PRKN: variants seen among roughly 807,000 people sequenced by gnomAD.
The protein encoded by PRKN is E3 ubiquitin-protein ligase parkin.
PRKN carries 56 observed loss-of-function variants against 59.5 expected under a neutral mutation model. That is an observed-to-expected ratio of 0.94 (90% confidence interval 0.76 to 1.18). The LOEUF is 1.18. Among genes scored for constraint, PRKN ranks in the 50% most tolerant of loss-of-function variants. The pLI is 0.00. For synonymous variants in PRKN, 250 were observed against 222.1 expected (o/e 1.13, Z -1.12); for missense variants, 657 against 596.4 (o/e 1.10, Z -1.06).
chr6:162,714,220 C>A (rs1778642088), intron 1 of PRKN, among the ~76,000 whole-genome samples: 1 of 152,124 alleles, frequency 6.6e-6, no homozygotes, highest in African/African-American at 2.4e-5. Flanking sequence ...CTCAAAACTA[C>A]CCCTGATTTA....
rs958312931 is a variant in PRKN, at chr6:161,367,457, A to C, written c.1168-7252T>G. Among the ~76,000 whole-genome samples, 8 of 149,922 alleles carry C rather than the reference A, an allele frequency of 5.3e-5. No individual in the cohort carries two copies. The East Asian group carries it at 9.8e-4, about 18-fold the overall frequency. ...GGGGTTACGGTGTAGAAAACTAATA[A>C]GATGTGTCTTTTCTTTTTTTTTTTT... On this transcript the variant is annotated intron_variant, in intron 10 of 11. Transcript: ENST00000366898.
chr6:162,203,582 A>G (rs1210402375), intron 3 of PRKN, among the ~76,000 whole-genome samples: 1 of 152,162 alleles, frequency 6.6e-6, no homozygotes, highest in Non-Finnish European at 1.5e-5. Flanking sequence ...AACAAATAAC[A>G]CCCCGACAAT....
chr6:161,368,701 A>C (rs1217360588), intron 10 of PRKN, among the ~76,000 whole-genome samples: 4 of 146,040 alleles, frequency 2.7e-5, no homozygotes, highest in African/African-American at 1.0e-4. Flanking sequence ...CCAGCACTGC[A>C]ACTCCACTCC....
At chr6:161,916,526 T>C (rs1778564829) in intron 6 of PRKN, among the ~76,000 whole-genome samples, 1 of 152,168 alleles carries the variant, frequency 6.6e-6, no homozygotes, top group South Asian at 2.1e-4. Flanking sequence ...AGAATCAGGA[T>C]TTAGGATGAA....
rs1222713434 is a variant in PRKN, at chr6:161,874,558, A to G, written c.735-88650T>C. On this transcript the variant is annotated intron_variant, in intron 6 of 11. Transcript: ENST00000366898. ...ATATATATTATGTAAAATATATATT[A>G]TATATAAAATATATATTATGTAAAA... Among the ~76,000 whole-genome samples, 129 of 109,194 alleles carry G rather than the reference A, an allele frequency of 1.2e-3. 4 individuals carry two copies. The highest frequency in any genetic ancestry group is 4.6e-3 in the African/African-American group (116 of 25,116). The allele number at this position is 109,194 out of a possible 152,430, so 71.6% of individuals were successfully genotyped here.
In PRKN at chr6:161,551,089, A is replaced by G. The variant is rs540991984; in HGVS notation, c.934-2086T>C. 6.6e-6 allele frequency among the ~76,000 whole-genome samples: 1 copy of G among 152,328 alleles called. No individual in the cohort carries two copies. The highest frequency in any genetic ancestry group is 2.4e-5 in the African/African-American group (1 of 41,580). On this transcript the variant is annotated intron_variant, in intron 8 of 11. Transcript: ENST00000366898. This position sits in a 1 kb window ranked among gnomAD's most constrained non-coding sequence, Gnocchi z 5.2. Reference sequence around the variant, plus strand: ...ACTAGAATCTCTGAATTTATGGGGTAAGGTTCTCTGGACAGTGTCATAAGC... The same window carrying G: ...ACTAGAATCTCTGAATTTATGGGGTGAGGTTCTCTGGACAGTGTCATAAGC...
chr6:162,509,763 CTGTT>C (rs759823857), intron 1 of PRKN, among the ~76,000 whole-genome samples: 4 of 152,106 alleles, frequency 2.6e-5, no homozygotes, highest in Admixed American at 1.3e-4. Context: ...TTACATCGTT[CTGTT>C]TATTTATTTT....
intron 6 of PRKN, among the ~76,000 whole-genome samples, chr6:161,809,632 C>A (rs1791480099): frequency 6.6e-6 from 1 of 152,162 alleles, no homozygotes. Context: ...ATTCACTCAT[C>A]AATTTTTGAA....
chr6:161,937,214 A>G (rs1450168989), intron 6 of PRKN, among the ~76,000 whole-genome samples: 1 of 152,250 alleles, frequency 6.6e-6, no homozygotes, highest in East Asian at 1.9e-4. Context: ...GGCTGCTATC[A>G]TCACTTACAA....
At position 161,576,890 on chromosome 6, in the gene PRKN, A is replaced by G. The variant is rs1351366297; in HGVS notation, c.872-7474T>C. ...AAATCTCAAAATCATAAAGTTGAGAAAAAAGTTGCAATCGTTTATGCACAA... is the reference window on the plus strand; with the variant it reads ...AAATCTCAAAATCATAAAGTTGAGAGAAAAGTTGCAATCGTTTATGCACAA... On this transcript the variant is annotated intron_variant, in intron 7 of 11. Transcript: ENST00000366898. This position sits in a 1 kb window ranked among gnomAD's most constrained non-coding sequence, Gnocchi z 4.6. Among the ~76,000 whole-genome samples the G allele has an allele frequency of 1.3e-5, 2 of 152,276 alleles. No homozygotes were observed. The highest frequency in any genetic ancestry group is 4.8e-5 in the African/African-American group (2 of 41,476).
At chr6:162,353,353 C>G (rs1784701789) in intron 2 of PRKN, among the ~76,000 whole-genome samples, 2 of 150,294 alleles carry the variant, frequency 1.3e-5, no homozygotes, top group Admixed American at 1.3e-4. Flanking sequence ...ATTACTGGAA[C>G]TGCTAAAAAA....
At chr6:162,386,925 A>C (rs1479081399) in intron 2 of PRKN, among the ~76,000 whole-genome samples, 1 of 152,224 alleles carries the variant, frequency 6.6e-6, no homozygotes, top group Non-Finnish European at 1.5e-5. Flanking sequence ...GTAACATTGC[A>C]TTCAATTATC....
chr6:161,706,119 A>G (rs952509406), intron 7 of PRKN, among the ~76,000 whole-genome samples: 1 of 151,332 alleles, frequency 6.6e-6, no homozygotes, highest in African/African-American at 2.4e-5. Flanking sequence ...CACATCCTCA[A>G]TTCTACCTAA....
intron 5 of PRKN, among the ~76,000 whole-genome samples, chr6:162,009,945 TAA>T (rs960827449): frequency 2.6e-5 from 4 of 151,224 alleles, no homozygotes; most frequent in Non-Finnish European, 5.9e-5. Flanking sequence ...CAAAAAAAAA[TAA>T]AGTCTTCTGG....
chr6:161,977,841 G>A (rs1035812977), intron 5 of PRKN, among the ~76,000 whole-genome samples: 1 of 151,852 alleles, frequency 6.6e-6, no homozygotes, highest in Non-Finnish European at 1.5e-5. Context: ...GAGCCACCAC[G>A]CCCGGCCCTA....
chr6:162,024,578 G>C (rs1053366158), intron 5 of PRKN, among the ~76,000 whole-genome samples: 27 of 152,274 alleles, frequency 1.8e-4, no homozygotes, highest in Middle Eastern at 3.4e-3. Context: ...TCCTTAAAGA[G>C]ATCTTTCATC....
chr6:162,365,639 G>A (rs772192462), intron 2 of PRKN, among the ~76,000 whole-genome samples: 28 of 152,098 alleles, frequency 1.8e-4, no homozygotes, highest in African/African-American at 2.4e-4. Context: ...AGGTATTGGC[G>A]TGGTGGTTCC....
At position 161,446,272 on chromosome 6, in the gene PRKN, G is replaced by C. The variant is rs1255415593; in HGVS notation, c.1084-59395C>G. 1.3e-5 allele frequency among the ~76,000 whole-genome samples: 2 copies of C among 152,212 alleles called. No homozygotes were observed. Among genetic ancestry groups the C allele is most frequent in the African/African-American group, 4.8e-5 (2 of 41,460 alleles). ...TTTCTCTGATTTCTCCCTTTGGGAA[G>C]GGAGGCTTGGAGGCTGCCTGGGGCT... On this transcript the variant is annotated intron_variant, in intron 9 of 11. Transcript: ENST00000366898. The surrounding 1 kb of genome is among the most constrained non-coding windows in gnomAD (Gnocchi z 6.2).
intron 4 of PRKN, among the ~76,000 whole-genome samples, chr6:162,073,280 A>T (rs908478162): frequency 1.1e-4 from 16 of 152,186 alleles, no homozygotes; most frequent in African/African-American, 3.9e-4. Context: ...CTTAAAACAC[A>T]ATGCTGCAGC....
Sources: gnomAD v4.1 joint callset for allele counts (sites outside exome capture counted in the v4.1 genomes callset) on GRCh38, gnomAD v4.1.1 for gene constraint, Gnocchi (gnomAD v3.1) non-coding constraint, MANE v1.5 for transcripts, NCBI Gene and HGNC (gene_info 2026-07-23, HGNC 2026-07-21) for gene names.